CRPPA: variants seen among roughly 807,000 people sequenced by gnomAD.
The protein encoded by CRPPA is D-ribitol-5-phosphate cytidylyltransferase.
CRPPA carries 43 observed loss-of-function variants against 52.0 expected under a neutral mutation model. The observed-to-expected ratio is 0.83, with a 90% CI of 0.65 to 1.07. CRPPA has a LOEUF of 1.07. CRPPA is among the 50% of genes least tolerant of loss of function. CRPPA has a pLI of 0.00. For missense variants in CRPPA, 629 were observed against 551.7 expected (o/e 1.14, Z -1.40); for synonymous variants, 250 against 203.5 (o/e 1.23, Z -1.94).
At chr7:16,295,494 T>A (rs1437413429) in intron 5 of CRPPA, among the ~76,000 whole-genome samples, 1 of 152,022 alleles carries the variant, frequency 6.6e-6, no homozygotes, top group East Asian at 1.9e-4. Flanking sequence ...TTTACTTGGG[T>A]TTGTACAAGT....
At chr7:16,210,259 G>C (rs147618438) in intron 9 of CRPPA, among the ~76,000 whole-genome samples, 19 of 152,272 alleles carry the variant, frequency 1.2e-4, no homozygotes, top group African/African-American at 4.3e-4. Context: ...GGGGTGAGTA[G>C]CAAGAAATAC....
chr7:16,233,988 C>T lies in CRPPA; in HGVS notation c.1120-17791G>A, dbSNP rs1782873783. Among the ~76,000 whole-genome samples the T allele has an allele frequency of 2.0e-5, 3 of 152,000 alleles. 1 individual carries two copies. The South Asian group carries it at 6.2e-4, about 31-fold the overall frequency. On this transcript the variant is annotated intron_variant, in intron 8 of 9. Transcript: ENST00000407010. ...ATGCTTCTGTACCTGTTAATATTAT[C>T]AGTATTTAATAGGGCAGCCAGTTTA...
At chr7:16,303,930 A>C (rs1445985123) in intron 4 of CRPPA, among the ~76,000 whole-genome samples, 1 of 152,218 alleles carries the variant, frequency 6.6e-6, no homozygotes, top group Non-Finnish European at 1.5e-5. Flanking sequence ...ACTCCTAAAA[A>C]AGCACATTCA....
Position 16,398,876 on chromosome 7 carries a change from C to T in CRPPA, c.534+7185G>A, listed in dbSNP as rs534244098. 2.0e-5 allele frequency among the ~76,000 whole-genome samples: 3 copies of T among 152,348 alleles called. No individual in the cohort carries two copies. The East Asian group carries it at 5.8e-4, about 29-fold the overall frequency. On this transcript the variant is annotated intron_variant, in intron 2 of 9. Transcript: ENST00000407010. ...TAACTGGCATGTGTCCAACACGTGA[C>T]TCACACGTGATCAGCACATGTCCAA...
chr7:16,283,987 T>G (rs770804201), intron 5 of CRPPA, among the ~76,000 whole-genome samples: 1 of 152,080 alleles, frequency 6.6e-6, no homozygotes, highest in African/African-American at 2.4e-5. Flanking sequence ...ATGCTGAAAG[T>G]AGCATATTGA....
At chr7:16,169,641 A>G (rs1467967211) in intron 9 of CRPPA, among the ~76,000 whole-genome samples, 2 of 152,384 alleles carry the variant, frequency 1.3e-5, no homozygotes, top group Admixed American at 1.3e-4. Flanking sequence ...GCTAACTCAC[A>G]GCGTGAGTCT....
At chr7:16,169,705 T>A (rs1207102599) in intron 9 of CRPPA, among the ~76,000 whole-genome samples, 1 of 152,242 alleles carries the variant, frequency 6.6e-6, no homozygotes, top group East Asian at 1.9e-4. Context: ...CTATGCTGTA[T>A]CACCATTTCA....
chr7:16,112,570 T>C (rs138874687), intron 9 of CRPPA, among the ~76,000 whole-genome samples: 65 of 152,280 alleles, frequency 4.3e-4, no homozygotes, highest in African/African-American at 1.4e-3. Flanking sequence ...TTTTCTAGAA[T>C]ACTAAGTAAC....
Position 16,421,137 on chromosome 7 carries a change from G to C in CRPPA, c.186C>G (p.Val62=). 1 of 1,329,594 alleles carries C rather than the reference G, an allele frequency of 7.5e-7. No homozygotes were observed. The highest frequency in any genetic ancestry group is 9.7e-7 in the Non-Finnish European group (1 of 1,033,728). The allele number at this position is 1,329,594 out of a possible 1,614,324, so 82.4% of individuals were successfully genotyped here. ...TGGGGCAGAATTGCTTCGGGGTGGG[G>C]ACCCCCATCCTCTCCCCGCACCCCC... ...PAGGCGERMG[V]PTPKQFCPIL... The change falls in exon 1 of 10, where the codon GTC becomes GTG. Residue 62 remains valine, a synonymous_variant. Coordinates refer to ENST00000407010, the MANE Select transcript of CRPPA (RefSeq NM_001101426.4).
intron 9 of CRPPA, among the ~76,000 whole-genome samples, chr7:16,130,487 T>C (rs1782660885): frequency 6.6e-6 from 1 of 151,894 alleles, no homozygotes; most frequent in Admixed American, 6.6e-5. Context: ...AGGAAAAATT[T>C]CATTCCTCTG....
At chr7:16,180,162 C>T (rs1781381453) in intron 9 of CRPPA, among the ~76,000 whole-genome samples, 1 of 151,916 alleles carries the variant, frequency 6.6e-6, no homozygotes, top group African/African-American at 2.4e-5. Flanking sequence ...GTTAGAATTA[C>T]CAGGATAATT....
intron 9 of CRPPA, among the ~76,000 whole-genome samples, chr7:16,153,537 T>C (rs1174442183): frequency 6.6e-6 from 1 of 152,160 alleles, no homozygotes; most frequent in Non-Finnish European, 1.5e-5. Flanking sequence ...TTTCAGAATG[T>C]ATTTACTGAA....
At chr7:16,390,316 C>T (rs1428975869) in intron 2 of CRPPA, among the ~76,000 whole-genome samples, 1 of 152,090 alleles carries the variant, frequency 6.6e-6, no homozygotes, top group Non-Finnish European at 1.5e-5. Flanking sequence ...CAAGTTTCTT[C>T]ACACAAGTAT....
intron 3 of CRPPA, among the ~76,000 whole-genome samples, chr7:16,344,461 C>G (rs535458443): frequency 8.0e-5 from 12 of 150,372 alleles, no homozygotes; most frequent in Admixed American, 6.6e-4. Context: ...CTAGTCCTGC[C>G]TACTTGAGTG....
chr7:16,382,793 AG>A (rs1323129228), intron 2 of CRPPA, among the ~76,000 whole-genome samples: 6 of 152,072 alleles, frequency 3.9e-5, no homozygotes, highest in Non-Finnish European at 7.4e-5. Context: ...TCGGCTCCTG[AG>A]GCTTCTGCAT....
intron 2 of CRPPA, among the ~76,000 whole-genome samples, chr7:16,379,963 C>T (rs1334715981): frequency 1.3e-5 from 2 of 151,998 alleles, no homozygotes; most frequent in African/African-American, 2.4e-5. Flanking sequence ...CCTCTTTTCC[C>T]AACTGAATAC....
chr7:16,165,529 C>A (rs1189561552), intron 9 of CRPPA, among the ~76,000 whole-genome samples: 1 of 152,106 alleles, frequency 6.6e-6, no homozygotes, highest in Non-Finnish European at 1.5e-5. Context: ...AATATAAGAC[C>A]ATATATGCTT....
At chr7:16,270,154 T>C (rs751047236) in intron 6 of CRPPA, 2 of 152,120 alleles carry the variant, frequency 1.3e-5, no homozygotes, top group African/African-American at 2.4e-5. Flanking sequence ...TGCCCAAAAA[T>C]TGGTGGTGGC....
intron 1 of CRPPA, among the ~76,000 whole-genome samples, chr7:16,412,193 G>A (rs756634335): frequency 3.3e-5 from 5 of 152,064 alleles, no homozygotes; most frequent in African/African-American, 4.8e-5. Context: ...ACAGAAAATG[G>A]CATTTTAAAC....
Sources: allele counts gnomAD v4.1 joint callset (sites outside exome capture counted in the v4.1 genomes callset), GRCh38; gene constraint gnomAD v4.1.1; transcripts MANE v1.5; gene names NCBI Gene and HGNC (gene_info 2026-07-23, HGNC 2026-07-21).